SFSWAP: variants seen among roughly 807,000 people sequenced by gnomAD.
SFSWAP encodes the protein splicing factor SWAP.
A neutral mutation model predicts 100.7 loss-of-function variants in SFSWAP; 17 were observed. The ratio of observed to expected loss-of-function variants is 0.17; its 90% confidence interval spans 0.12 to 0.25. SFSWAP has a LOEUF of 0.25. Among genes scored for constraint, SFSWAP ranks in the 10% least tolerant of loss-of-function variants. The pLI is 1.00. For synonymous variants in SFSWAP, 504 were observed against 510.1 expected (o/e 0.99, Z 0.16); for missense variants, 1,005 against 1,262.6 (o/e 0.80, Z 3.09).
At position 131,764,605 on chromosome 12, in the gene SFSWAP, A is replaced by G; in HGVS notation, c.1870A>G (p.Asn624Asp). ...QESSSSAANT[N>D]PAVAPPCVVV... ...AAGTTCTAGTAGTGCTGCAAACACT[A>G]ACCCAGCAGTTGCCCCACCCTGTGT... Residue 624 changes from asparagine (N) to aspartate (D), a missense_variant, in exon 12 of 18, where the codon AAC (asparagine) becomes GAC (aspartate). Physicochemically the swap from Asn to Asp is conservative, Grantham distance 23. Around this residue, in one of 7 missense-constraint regions of SFSWAP, gnomAD observed 82 missense variants for 131.0 expected, o/e 0.63. Transcript: ENST00000261674. The G allele has an allele frequency of 6.2e-7, 1 of 1,614,242 alleles. No individual in the cohort carries two copies. Among genetic ancestry groups the G allele is most frequent in the East Asian group, 2.2e-5 (1 of 44,882 alleles).
chr12:131,720,275 T>A (rs1277912853), intron 4 of SFSWAP, among the ~76,000 whole-genome samples: 1 of 152,226 alleles, frequency 6.6e-6, no homozygotes, highest in African/African-American at 2.4e-5. Flanking sequence ...AACAACCCTA[T>A]AAGCGAACTA....
At chr12:131,729,860 A>G (rs977426290) in intron 7 of SFSWAP, among the ~76,000 whole-genome samples, 3 of 152,222 alleles carry the variant, frequency 2.0e-5, no homozygotes, top group African/African-American at 7.2e-5. Context: ...ATTTGGGACA[A>G]GCTTTTGTAA....
Position 131,727,064 on chromosome 12 carries a change from A to C in SFSWAP, c.945+12A>C. 62 of 1,436,500 alleles carry C rather than the reference A, an allele frequency of 4.3e-5. No homozygotes were observed. Among genetic ancestry groups the C allele is most frequent in the Middle Eastern group, 1.7e-4 (1 of 5,724 alleles). The allele number at this position is 1,436,500 out of a possible 1,614,324, so 89.0% of individuals were successfully genotyped here. A position where few individuals can be genotyped will look rare whatever the true frequency, so the allele number is the denominator to read the frequency against. Reference sequence around the variant, plus strand: ...AAGAGCTGATGAAGGTTTTTATCTCATTGTTGAACTATATTTTTATGCCAC... The same window carrying C: ...AAGAGCTGATGAAGGTTTTTATCTCCTTGTTGAACTATATTTTTATGCCAC... On this transcript the variant is annotated intron_variant, in intron 6 of 17. Coordinates refer to ENST00000261674, the MANE Select transcript of SFSWAP (RefSeq NM_004592.4).
chr12:131,759,990 T>C (rs1262299327), intron 11 of SFSWAP, among the ~76,000 whole-genome samples: 1 of 152,204 alleles, frequency 6.6e-6, no homozygotes, highest in Non-Finnish European at 1.5e-5. Context: ...ACTTCTTTAG[T>C]ATAACACTAA....
chr12:131,788,639 C>T (rs1329880877), intron 15 of SFSWAP, among the ~76,000 whole-genome samples: 2 of 151,890 alleles, frequency 1.3e-5, no homozygotes, highest in Non-Finnish European at 2.9e-5. Context: ...CATCCTCCCA[C>T]CTCAGCCTCC....
chr12:131,725,236 T>A lies in SFSWAP; in HGVS notation c.607-169T>A, dbSNP rs112112601. ...GAGCTTTCTCCCCTGCAAAATCCTGTCAAGATTTGGAGATGAGGAGTCCGA... is the reference window on the plus strand; with the variant it reads ...GAGCTTTCTCCCCTGCAAAATCCTGACAAGATTTGGAGATGAGGAGTCCGA... On this transcript the variant is annotated intron_variant, in intron 4 of 17. Transcript: ENST00000261674. The surrounding 1 kb of genome is among the most constrained non-coding windows in gnomAD (Gnocchi z 4.3). Among the ~76,000 whole-genome samples, 2,327 of 152,298 alleles carry A rather than the reference T, an allele frequency of 0.015. 60 individuals carry two copies. Among genetic ancestry groups the A allele is most frequent in the African/African-American group, 0.052 (2,143 of 41,550 alleles).
intron 3 of SFSWAP, among the ~76,000 whole-genome samples, chr12:131,715,293 G>T (rs1476664546): frequency 6.6e-6 from 1 of 152,006 alleles, no homozygotes; most frequent in African/African-American, 2.4e-5. Context: ...GTGTTAACTG[G>T]GATAAGTTAA....
At chr12:131,760,652 G>A (rs963423073) in intron 11 of SFSWAP, among the ~76,000 whole-genome samples, 10 of 152,042 alleles carry the variant, frequency 6.6e-5, no homozygotes, top group African/African-American at 2.4e-4. Flanking sequence ...GGGCATGTTT[G>A]TTTTTTAAAA....
At chr12:131,721,644 T>G (rs138586887) in intron 4 of SFSWAP, among the ~76,000 whole-genome samples, 43 of 152,374 alleles carry the variant, frequency 2.8e-4, no homozygotes, top group Non-Finnish European at 4.9e-4. Flanking sequence ...TACAATGGAA[T>G]TGTGTTGCCT....
chr12:131,764,826 T>C (rs1195388646), intron 12 of SFSWAP, 140 bp downstream of exon 12: 3 of 646,048 alleles, frequency 4.6e-6, no homozygotes, highest in South Asian at 4.0e-5. Flanking sequence ...TTGTGTAACA[T>C]GTCTGAGGTT....
At chr12:131,781,387 G>A (rs1326485714) in intron 14 of SFSWAP, among the ~76,000 whole-genome samples, 2 of 151,666 alleles carry the variant, frequency 1.3e-5, no homozygotes, top group East Asian at 3.9e-4. Context: ...ACAGGCGCCC[G>A]CCACCTCGCC....
Position 131,768,955 on chromosome 12 carries a change from G to A in SFSWAP, c.2142+2647G>A, listed in dbSNP as rs190362605. On this transcript the variant is annotated intron_variant, in intron 13 of 17. Transcript: ENST00000261674. ...TCTGGGGTCAACATGGTGAAACCTC[G>A]TCTCTACTAAAAATACAAAAAATTA... Among the ~76,000 whole-genome samples the A allele has an allele frequency of 2.8e-3, 425 of 152,124 alleles. 5 individuals carry two copies. The highest frequency in any genetic ancestry group is 0.023 in the Admixed American group (354 of 15,270).
chr12:131,753,767 C>T (rs1287036157), intron 8 of SFSWAP, among the ~76,000 whole-genome samples: 1 of 152,156 alleles, frequency 6.6e-6, no homozygotes, highest in African/African-American at 2.4e-5. Flanking sequence ...ATGAGTCTCT[C>T]CCAAGCTGTT....
chr12:131,756,767 G>C, intron 11 of SFSWAP, 123 bp downstream of exon 11: 1 of 825,780 alleles, frequency 1.2e-6, no homozygotes, highest in Non-Finnish European at 1.8e-6. Flanking sequence ...CGGCCCCCTG[G>C]AGGTTGCTGT....
chr12:131,746,621 G>T (rs1449707511), intron 7 of SFSWAP, among the ~76,000 whole-genome samples: 4 of 152,212 alleles, frequency 2.6e-5, no homozygotes, highest in Non-Finnish European at 4.4e-5. Flanking sequence ...ACATCCTCCA[G>T]TAGTTTCCCA....
intron 7 of SFSWAP, among the ~76,000 whole-genome samples, chr12:131,742,402 T>C (rs867440845): frequency 1.3e-5 from 2 of 152,180 alleles, no homozygotes; most frequent in African/African-American, 4.8e-5. Context: ...TGGTAAGTTA[T>C]GTTTAGAGAC....
chr12:131,734,144 G>A lies in SFSWAP; in HGVS notation c.1081+5716G>A, dbSNP rs188997835. Among the ~76,000 whole-genome samples, 229 of 152,346 alleles carry A rather than the reference G, an allele frequency of 1.5e-3. No individual in the cohort carries two copies. The highest frequency in any genetic ancestry group is 1.9e-3 in the South Asian group (9 of 4,830). ...CATCAGAGCCTCTGCTGTGGTGGAC[G>A]CCAGGTGGCCCCTGGCACAGAGAGC... is the stretch of plus-strand genomic sequence containing the variant. On this transcript the variant is annotated intron_variant, in intron 7 of 17. Transcript: ENST00000261674. The surrounding 1 kb of genome is among the most constrained non-coding windows in gnomAD (Gnocchi z 4.9).
intron 10 of SFSWAP, 32 bp downstream of exon 10, chr12:131,755,511 C>T: frequency 2.0e-6 from 3 of 1,503,710 alleles, no homozygotes; most frequent in Non-Finnish European, 2.8e-6. Context: ...GGCTGTGAAG[C>T]TCTTAGAGGT....
chr12:131,799,369 TG>T, intron 17 of SFSWAP, 53 bp from the exon 18 acceptor site: 3 of 1,542,788 alleles, frequency 1.9e-6, no homozygotes, highest in Admixed American at 3.3e-5. Context: ...CTTCACCACG[TG>T]GGTTGTCTGG....
Sources: gnomAD v4.1 joint callset for allele counts (sites outside exome capture counted in the v4.1 genomes callset) on GRCh38, gnomAD v4.1.1 for gene constraint, gnomAD v4.1.1 regional missense constraint, Gnocchi (gnomAD v3.1) non-coding constraint, MANE v1.5 for transcripts, NCBI Gene and HGNC (gene_info 2026-07-23, HGNC 2026-07-21) for gene names.